The following NDUFA8 variants were observed in gnomAD, a reference collection of about 807,000 sequenced individuals.
NDUFA8 encodes NADH:ubiquinone oxidoreductase subunit A8, also known as NADH dehydrogenase [ubiquinone] 1 alpha subcomplex subunit 8.
In NDUFA8, 16 loss-of-function variants were observed where a neutral mutation model predicts 20.9. That is an observed-to-expected ratio of 0.77 (90% confidence interval 0.52 to 1.16). NDUFA8 has a LOEUF of 1.16. Ranked by LOEUF, NDUFA8 falls within the 50% of genes most tolerant of loss-of-function variation. The pLI, the probability that NDUFA8 is intolerant of heterozygous loss-of-function variation, is 0.00. For missense variants in NDUFA8, 202 were observed against 216.4 expected (o/e 0.93, Z 0.42); for synonymous variants, 70 against 76.1 (o/e 0.92, Z 0.41).
At chr9:122,154,486 T>C (rs1427263847) in intron 1 of NDUFA8, among the ~76,000 whole-genome samples, 1 of 152,246 alleles carries the variant, frequency 6.6e-6, no homozygotes, top group Admixed American at 6.5e-5. Flanking sequence ...TAGGATAGTT[T>C]TTCTATTAGA....
At chr9:122,139,148 C>T (rs7862028), downstream of NDUFA8, among the ~76,000 whole-genome samples, 27,512 of 152,082 alleles carry the variant, frequency 0.18, 4,095 homozygotes, top group African/African-American at 0.41. Flanking sequence ...TCCAGGCAGA[C>T]GAGTTTCCTC....
the NDUFA8 span, among the ~76,000 whole-genome samples, chr9:122,138,941 G>C: frequency 6.6e-6 from 1 of 151,798 alleles, no homozygotes; most frequent in Non-Finnish European, 1.5e-5. Context: ...ATGGAGTGTT[G>C]GGGGACAGTA....
chr9:122,152,550 T>A, intron 1 of NDUFA8, 142 bp from the exon 2 acceptor site: 3 of 688,958 alleles, frequency 4.4e-6, no homozygotes, highest in Non-Finnish European at 6.7e-6. Flanking sequence ...ACTGTCATAA[T>A]AATAATTTTT....
the NDUFA8 span, among the ~76,000 whole-genome samples, chr9:122,136,892 A>G: frequency 6.6e-6 from 1 of 152,100 alleles, no homozygotes; most frequent in African/African-American, 2.4e-5. Flanking sequence ...TTTATCTCCC[A>G]ACTTTCTGCT....
At chr9:122,149,982 T>C (rs1343770020) in intron 2 of NDUFA8, among the ~76,000 whole-genome samples, 1 of 151,010 alleles carries the variant, frequency 6.6e-6, no homozygotes, top group Non-Finnish European at 1.5e-5. Flanking sequence ...ATTGTTTAAA[T>C]AAACACACAC....
Position 122,149,730 on chromosome 9 carries a change from G to A in NDUFA8, c.216-1453C>T, listed in dbSNP as rs374766806. ...CCCAGCACCTTGGGAGGCCAAGGTA[G>A]GCGGATCACTTGAGGCCAGGAGTTC... On this transcript the variant is annotated intron_variant, in intron 2 of 3. Coordinates refer to ENST00000373768, the MANE Select transcript of NDUFA8 (RefSeq NM_014222.3). Among the ~76,000 whole-genome samples, 103 of 152,288 alleles carry A rather than the reference G, an allele frequency of 6.8e-4. 1 individual carries two copies. In the South Asian group the frequency reaches 0.02, roughly 30 times the overall value.
At chr9:122,153,166 T>G (rs1275088521) in intron 1 of NDUFA8, among the ~76,000 whole-genome samples, 1 of 149,620 alleles carries the variant, frequency 6.7e-6, no homozygotes, top group East Asian at 2.0e-4. Context: ...ACTAGGGAGG[T>G]TGAGGCATGA....
chr9:122,156,675 A>C (rs1379053460), intron 1 of NDUFA8, among the ~76,000 whole-genome samples: 2 of 152,242 alleles, frequency 1.3e-5, no homozygotes, highest in African/African-American at 2.4e-5. Context: ...CTCGCTCTCC[A>C]AACGGGCTCC....
chr9:122,147,617 A>ATTTTTTTTTT (rs34576446), intron 3 of NDUFA8, among the ~76,000 whole-genome samples: 2 of 106,762 alleles, frequency 1.9e-5, no homozygotes, highest in African/African-American at 7.6e-5. Context: ...GCCTAAAGAA[A>ATTTTTTTTTT]TTTTTTTTTT....
chr9:122,145,504 C>T lies in NDUFA8; in HGVS notation c.382-1126G>A, dbSNP rs191001061. ...CTGATTATTCTTCTACTGGGCTGAA[C>T]TCTTAAGTCACCTCATGTAAAATGA... On this transcript the variant is annotated intron_variant, in intron 3 of 3. Transcript: ENST00000373768. Among the ~76,000 whole-genome samples the T allele has an allele frequency of 3.0e-3, 458 of 152,326 alleles. 4 individuals are homozygous for T. The highest frequency in any genetic ancestry group is 0.01 in the African/African-American group (432 of 41,570).
At chr9:122,153,602 C>G (rs977904427) in intron 1 of NDUFA8, among the ~76,000 whole-genome samples, 1 of 152,168 alleles carries the variant, frequency 6.6e-6, no homozygotes, top group South Asian at 2.1e-4. Context: ...CCAGGGCCTA[C>G]AAACAGCTGC....
At chr9:122,157,340 A>T (rs1829090405) in intron 1 of NDUFA8, among the ~76,000 whole-genome samples, 1 of 152,194 alleles carries the variant, frequency 6.6e-6, no homozygotes, top group South Asian at 2.1e-4. Context: ...TATAGCTGGG[A>T]TCACCTCATC....
intron 3 of NDUFA8, among the ~76,000 whole-genome samples, chr9:122,147,461 G>A (rs1170779137): frequency 2.0e-5 from 3 of 152,212 alleles, no homozygotes; most frequent in East Asian, 1.9e-4. Context: ...TGTGGCATAA[G>A]CCTGATCCTA....
chr9:122,158,897 C>G (rs931642651), intron 1 of NDUFA8, among the ~76,000 whole-genome samples: 13 of 151,758 alleles, frequency 8.6e-5, no homozygotes, highest in African/African-American at 3.1e-4. Flanking sequence ...TGCCTGGTAT[C>G]TAGAAAGGAC....
intron 1 of NDUFA8, among the ~76,000 whole-genome samples, chr9:122,155,397 C>T (rs1246031943): frequency 6.6e-6 from 1 of 152,158 alleles, no homozygotes; most frequent in African/African-American, 2.4e-5. Flanking sequence ...ATTTTTTATG[C>T]ACTTTATGCA....
At chr9:122,140,837 A>G (rs927397436), downstream of NDUFA8, among the ~76,000 whole-genome samples, 6 of 152,236 alleles carry the variant, frequency 3.9e-5, no homozygotes, top group Non-Finnish European at 7.3e-5. Context: ...GATGAGGACT[A>G]TAAGGTACAG....
downstream of NDUFA8, among the ~76,000 whole-genome samples, chr9:122,141,093 T>A (rs1288445071): frequency 1.3e-5 from 2 of 152,190 alleles, no homozygotes; most frequent in Admixed American, 1.3e-4. Flanking sequence ...AAGGACTGTT[T>A]CCTGGCAAGG....
chr9:122,155,010 A>C (rs1159713307), intron 1 of NDUFA8, among the ~76,000 whole-genome samples: 1 of 152,208 alleles, frequency 6.6e-6, no homozygotes, highest in African/African-American at 2.4e-5. Context: ...TTATGCTTTA[A>C]TACTCTACTG....
intron 1 of NDUFA8, among the ~76,000 whole-genome samples, chr9:122,158,738 T>C (rs1351396920): frequency 1.3e-5 from 2 of 149,732 alleles, no homozygotes; most frequent in Non-Finnish European, 3.0e-5. Flanking sequence ...ATACACCAAT[T>C]GTGTATATAT....
Sources: allele counts gnomAD v4.1 joint callset (sites outside exome capture counted in the v4.1 genomes callset), GRCh38; gene constraint gnomAD v4.1.1; transcripts MANE v1.5; gene names NCBI Gene and HGNC (gene_info 2026-07-23, HGNC 2026-07-21).